Variants in ATP13A2 observed in about 807,000 individuals in gnomAD.
The protein encoded by ATP13A2 is ATPase cation transporting 13A2, also known as polyamine-transporting ATPase 13A2.
In ATP13A2, 83 loss-of-function variants were observed where a neutral mutation model predicts 138.3. The observed-to-expected ratio is 0.60, with a 90% CI of 0.50 to 0.72. ATP13A2 has a LOEUF of 0.72. Among genes scored for constraint, ATP13A2 ranks in the 30% least tolerant of loss-of-function variants. ATP13A2 has a pLI of 0.00. For missense variants in ATP13A2, 1,402 were observed against 1,606.4 expected, an observed-to-expected ratio of 0.87 and a Z score of 2.17; for synonymous variants, 663 against 699.0, an observed-to-expected ratio of 0.95 and a Z score of 0.81.
At chr1:17,001,935 C>A in intron 8 of ATP13A2, 99 bp downstream of exon 8, 5 of 1,250,080 alleles carry the variant, frequency 4.0e-6, no homozygotes, top group Non-Finnish European at 5.6e-6. Context: ...GACAGCTGGT[C>A]TGGTTGCCAC....
intron 6 of ATP13A2, among the ~76,000 whole-genome samples, chr1:17,002,850 C>T (rs1461657439): frequency 6.6e-6 from 1 of 152,156 alleles, no homozygotes; most frequent in East Asian, 1.9e-4. Context: ...TTGCTATTAT[C>T]CCCATCATGC....
rs77015093 is a variant in ATP13A2 at position 16,995,127 on chromosome 1, G to A, written c.1542+849C>T. 1.9e-3 allele frequency among the ~76,000 whole-genome samples: 285 copies of A among 152,264 alleles called. 3 individuals are homozygous for A. The highest frequency in any genetic ancestry group is 6.4e-3 in the African/African-American group (264 of 41,540). ...GCCACTCCCTGTGCCCCAGGCACACGGTACATCTGTGCTATGACACTCCCA... is the reference window on the plus strand; with the variant it reads ...GCCACTCCCTGTGCCCCAGGCACACAGTACATCTGTGCTATGACACTCCCA... On this transcript the variant is annotated intron_variant, in intron 15 of 28. Transcript: ENST00000326735. The surrounding 1 kb of genome is among the most constrained non-coding windows in gnomAD (Gnocchi z 4.1).
rs866719227 is a variant in ATP13A2, at chr1:17,002,082, G to A, written c.657C>T (p.Asn219=). ...AGGACTTGACCGGTATGCTGATCAC[G>A]TTGGGGCCGTAAATGGCCTTCCTGG... is the stretch of plus-strand genomic sequence containing the variant. ...QMVRKAIYGP[N]VISIPVKSYP... The change falls in exon 8 of 29, where the codon AAC becomes AAT. Residue 219 remains asparagine (N), a synonymous_variant. Transcript: ENST00000326735. The A allele has an allele frequency of 2.5e-6, 4 of 1,613,842 alleles. No homozygotes were observed. The highest frequency in any genetic ancestry group is 3.3e-4 in the Middle Eastern group (2 of 6,054).
intron 1 of ATP13A2, among the ~76,000 whole-genome samples, chr1:17,006,699 T>C (rs2077574029): frequency 6.6e-6 from 1 of 152,088 alleles, no homozygotes; most frequent in African/African-American, 2.4e-5. Context: ...CACTTTTCTA[T>C]CCTCATCCAG....
chr1:17,005,103 G>A (rs41273159), intron 3 of ATP13A2, 31 bp from the exon 4 acceptor site: 7 of 1,612,376 alleles, frequency 4.3e-6, no homozygotes, highest in Non-Finnish European at 5.1e-6. Context: ...CTCAGTCTCA[G>A]AAGAGTCCCC....
At chr1:16,993,213 G>A (rs549541611) in intron 16 of ATP13A2, among the ~76,000 whole-genome samples, 9 of 151,898 alleles carry the variant, frequency 5.9e-5, no homozygotes, top group African/African-American at 1.4e-4. Flanking sequence ...CACTGCACCT[G>A]GCCTATCATT....
intron 8 of ATP13A2, 59 bp from the exon 9 acceptor site, chr1:17,000,593 G>A (rs1022831187): frequency 6.9e-6 from 11 of 1,587,636 alleles, no homozygotes; most frequent in Non-Finnish European, 9.4e-6. Flanking sequence ...CCCAGCCACA[G>A]GCTGGGTCTC....
In ATP13A2 at chr1:16,995,253, C is replaced by T. The variant is rs962252569; in HGVS notation, c.1542+723G>A. Among the ~76,000 whole-genome samples, 27 of 152,166 alleles carry T rather than the reference C, an allele frequency of 1.8e-4. No individual in the cohort carries two copies. Among genetic ancestry groups the T allele is most frequent in the African/African-American group, 6.3e-4 (26 of 41,448 alleles). Reference sequence around the variant, plus strand: ...TGCCTTCTCTCTAAGGAAGTGTCCCCATCTAGAACCCATCAAGCTATCCCA... The same window carrying T: ...TGCCTTCTCTCTAAGGAAGTGTCCCTATCTAGAACCCATCAAGCTATCCCA... On this transcript the variant is annotated intron_variant, in intron 15 of 28. Transcript: ENST00000326735. This position sits in a 1 kb window ranked among gnomAD's most constrained non-coding sequence, Gnocchi z 4.1.
chr1:16,996,352 C>A, intron 13 of ATP13A2, 34 bp downstream of exon 13: 1 of 1,613,278 alleles, frequency 6.2e-7, no homozygotes, highest in Non-Finnish European at 8.5e-7. Flanking sequence ...GTGGGGGGGG[C>A]TATGGGCAGA....
rs771828903 is a variant in ATP13A2, at chr1:17,005,099, C to T, written c.289-27G>A. ...TGGAACACAGAGGTATGGACTCAGT[C>T]TCAGAAGAGTCCCCTCCCCTCCCAG... On this transcript the variant is annotated intron_variant, in intron 3 of 28. Transcript: ENST00000326735. 3 of 1,612,986 alleles carry T rather than the reference C, an allele frequency of 1.9e-6. No individual in the cohort carries two copies. In the Admixed American group the frequency reaches 5.0e-5, roughly 27 times the overall value.
intron 12 of ATP13A2, 193 bp downstream of exon 12, chr1:16,996,827 G>C: frequency 1.3e-6 from 1 of 765,378 alleles, no homozygotes; most frequent in South Asian, 1.7e-5. Context: ...CTTGGCCTTA[G>C]TCTGGCCCAA....
At chr1:17,008,952 A>G (rs2077671721) in intron 1 of ATP13A2, among the ~76,000 whole-genome samples, 1 of 133,894 alleles carries the variant, frequency 7.5e-6, no homozygotes, top group Non-Finnish European at 1.6e-5. Flanking sequence ...TGACAGAGCA[A>G]GACTCAAAAA....
At chr1:17,000,193 T>TGC in intron 10 of ATP13A2, 51 bp from the exon 11 acceptor site, 1 of 1,547,718 alleles carries the variant, frequency 6.5e-7, no homozygotes, top group South Asian at 1.1e-5. Context: ...GCCCCAGCCA[T>TGC]GCCCCCCCAC....
intron 1 of ATP13A2, among the ~76,000 whole-genome samples, chr1:17,009,493 C>G (rs2077700159): frequency 6.7e-6 from 1 of 149,692 alleles, no homozygotes; most frequent in Admixed American, 6.7e-5. Flanking sequence ...ACCTCCTAGG[C>G]TAAAGGAGGT....
rs764264628 is a variant in ATP13A2, at chr1:16,988,155, C to T, written c.2842G>A (p.Val948Ile). 9.9e-6 allele frequency: 16 copies of T among 1,614,004 alleles called. No individual in the cohort carries two copies. The highest frequency in any genetic ancestry group is 1.7e-5 in the Admixed American group (1 of 60,008). Residue 948 changes from valine to isoleucine, a missense_variant, in exon 25 of 29, where the codon GTC becomes ATC. Transcript: ENST00000326735. Reference sequence around the variant, plus strand: ...ATACTCACCGTGTAGAGGATCAGGACGGAGATGAACTGGGTCAGGCTGTAC... The same window carrying T: ...ATACTCACCGTGTAGAGGATCAGGATGGAGATGAACTGGGTCAGGCTGTAC... Reference protein sequence around the residue: ...ALYSLTQFISVLILYTINTNL... With the variant: ...ALYSLTQFISILILYTINTNL...
At position 17,005,467 on chromosome 1, in the gene ATP13A2, G is replaced by A. The variant is rs201564843; in HGVS notation, c.195C>T (p.Phe65=). Residue 65 remains phenylalanine, a synonymous_variant, in exon 3 of 29, where the codon TTC becomes TTT. Coordinates refer to ENST00000326735, the MANE Select transcript of ATP13A2 (RefSeq NM_022089.4). ...WMMAGIPLLL[F]RWKPLWGVRL... ...GCACCCCCCACAGGGGCTTCCAACG[G>A]AAGAGCAGCAAAGGGATCCCAGCCA... 42 of 1,614,242 alleles carry A rather than the reference G, an allele frequency of 2.6e-5. No homozygotes were observed. The highest frequency in any genetic ancestry group is 3.3e-5 in the Non-Finnish European group (39 of 1,180,052).
chr1:16,991,867 T>G lies in ATP13A2; in HGVS notation c.2127-9A>C. 3.1e-6 allele frequency: 5 copies of G among 1,613,984 alleles called. No individual in the cohort carries two copies. The highest frequency in any genetic ancestry group is 4.2e-6 in the Non-Finnish European group (5 of 1,180,032). ...CTCCTTCCACAGTGTCCCTGGAGGG[T>G]GGGCAGACCTGGATCAGAGGTCATG... On this transcript the variant is annotated splice_polypyrimidine_tract_variant and intron_variant, in intron 19 of 28. Coordinates refer to ENST00000326735, the MANE Select transcript of ATP13A2 (RefSeq NM_022089.4).
In ATP13A2 at chr1:16,997,178, G is replaced by T; in HGVS notation, c.1040-3C>A. 6.2e-7 allele frequency: 1 copy of T among 1,613,366 alleles called. No homozygotes were observed. The highest frequency in any genetic ancestry group is 8.5e-7 in the Non-Finnish European group (1 of 1,180,034). On this transcript the variant is annotated splice_region_variant and splice_polypyrimidine_tract_variant and intron_variant, in intron 11 of 28. Coordinates refer to ENST00000326735, the MANE Select transcript of ATP13A2 (RefSeq NM_022089.4). ...CTTCAGCACTGGAATGCTCTCTCCT[G>T]GTGGGGAACGTGGTGTGAGGACCAC...
chr1:16,995,174 C>T lies in ATP13A2; in HGVS notation c.1542+802G>A, dbSNP rs1024156122. Among the ~76,000 whole-genome samples the T allele has an allele frequency of 2.6e-5, 4 of 152,214 alleles. No homozygotes were observed. The highest frequency in any genetic ancestry group is 1.3e-4 in the Admixed American group (2 of 15,282). ...CCCACCTTTTACCCTTGCTTCTCCTCGACCTGCCCCTCACTGAGGTCACTG... is the reference window on the plus strand; with the variant it reads ...CCCACCTTTTACCCTTGCTTCTCCTTGACCTGCCCCTCACTGAGGTCACTG... On this transcript the variant is annotated intron_variant, in intron 15 of 28. Coordinates refer to ENST00000326735, the MANE Select transcript of ATP13A2 (RefSeq NM_022089.4). The surrounding 1 kb of genome is among the most constrained non-coding windows in gnomAD (Gnocchi z 4.1).
Sources: allele counts gnomAD v4.1 joint callset (sites outside exome capture counted in the v4.1 genomes callset), GRCh38; gene constraint gnomAD v4.1.1; non-coding constraint Gnocchi (gnomAD v3.1); transcripts MANE v1.5; gene names NCBI Gene and HGNC (gene_info 2026-07-23, HGNC 2026-07-21).